Variants in IQUB observed in about 807,000 individuals in gnomAD.
The protein encoded by IQUB is IQ motif and ubiquitin domain containing.
In IQUB, 86 loss-of-function variants were observed where a neutral mutation model predicts 86.4. The ratio of observed to expected loss-of-function variants is 1.00; its 90% confidence interval spans 0.84 to 1.19. IQUB has a LOEUF of 1.19. Among genes scored for constraint, IQUB ranks in the 50% most tolerant of loss-of-function variants. The pLI, the probability that IQUB is intolerant of heterozygous loss-of-function variation, is 0.00. For synonymous variants in IQUB, 289 were observed against 304.5 expected (o/e 0.95, Z 0.53); for missense variants, 946 against 916.9 (o/e 1.03, Z -0.41).
intron 8 of IQUB, among the ~76,000 whole-genome samples, chr7:123,477,846 C>T (rs1411814419): frequency 6.6e-6 from 1 of 152,170 alleles, no homozygotes; most frequent in Non-Finnish European, 1.5e-5. Flanking sequence ...AAAAAATGCT[C>T]ATCATCACTG....
chr7:123,521,095 A>T (rs1239101757), intron 1 of IQUB, among the ~76,000 whole-genome samples: 3 of 152,102 alleles, frequency 2.0e-5, no homozygotes, highest in East Asian at 3.9e-4. Context: ...TTGTCCTGGA[A>T]ATTGGAGAGT....
intron 10 of IQUB, among the ~76,000 whole-genome samples, chr7:123,464,507 T>G (rs1158044549): frequency 6.6e-6 from 1 of 151,902 alleles, no homozygotes; most frequent in East Asian, 1.9e-4. Context: ...GGGTAAATAG[T>G]GAATAGCATT....
chr7:123,476,245 T>C (rs1794739257), intron 8 of IQUB, among the ~76,000 whole-genome samples: 1 of 152,166 alleles, frequency 6.6e-6, no homozygotes, highest in Non-Finnish European at 1.5e-5. Flanking sequence ...CATGAGAGCA[T>C]ATACTACAGG....
intron 12 of IQUB, among the ~76,000 whole-genome samples, chr7:123,453,552 TGAA>T (rs898584039): frequency 7.9e-5 from 12 of 151,720 alleles, no homozygotes; most frequent in Non-Finnish European, 1.5e-4. Context: ...GTACATGTAA[TGAA>T]GAAGATGAAC....
chr7:123,515,057 T>TA (rs1428651299), intron 1 of IQUB, among the ~76,000 whole-genome samples: 2 of 151,808 alleles, frequency 1.3e-5, no homozygotes, highest in Admixed American at 6.6e-5. Flanking sequence ...AGCTCAATTT[T>TA]AAAAAAAATC....
At chr7:123,505,127 C>T (rs7800221) in intron 3 of IQUB, among the ~76,000 whole-genome samples, 41,214 of 152,090 alleles carry the variant, frequency 0.27, 5,736 homozygotes, top group East Asian at 0.33. Flanking sequence ...CCATGTTTCA[C>T]GTACAGGCCA....
At chr7:123,505,128 G>C (rs768955337) in intron 3 of IQUB, among the ~76,000 whole-genome samples, 3 of 152,126 alleles carry the variant, frequency 2.0e-5, no homozygotes, top group Non-Finnish European at 4.4e-5. Flanking sequence ...CATGTTTCAC[G>C]TACAGGCCAC....
intron 7 of IQUB, 34 bp downstream of exon 7, chr7:123,496,662 A>G: frequency 7.7e-7 from 1 of 1,293,114 alleles, no homozygotes; most frequent in South Asian, 1.4e-5. Flanking sequence ...GAAGAATTTA[A>G]AAATATTTTT....
chr7:123,465,085 A>C (rs1410131569), intron 9 of IQUB, 76 bp from the exon 10 acceptor site: 3 of 905,716 alleles, frequency 3.3e-6, no homozygotes, highest in Non-Finnish European at 5.2e-6. Context: ...CACCAAAACA[A>C]ACCAAAATCT....
intron 7 of IQUB, among the ~76,000 whole-genome samples, chr7:123,480,594 C>A (rs1794963222): frequency 6.6e-6 from 1 of 152,070 alleles, no homozygotes; most frequent in Non-Finnish European, 1.5e-5. Context: ...CAAATCTCAT[C>A]TCAAACTGAA....
At chr7:123,493,640 A>G (rs1326847020) in intron 7 of IQUB, among the ~76,000 whole-genome samples, 1 of 151,848 alleles carries the variant, frequency 6.6e-6, no homozygotes. Context: ...CTAAAAAACC[A>G]TCTGGCAGGA....
intron 7 of IQUB, among the ~76,000 whole-genome samples, chr7:123,485,134 T>C (rs1183189344): frequency 1.3e-5 from 2 of 152,088 alleles, no homozygotes; most frequent in Non-Finnish European, 2.9e-5. Context: ...AAAGTACCAT[T>C]GGTTGGGTGG....
In IQUB at chr7:123,517,530, C is replaced by CAAA. The variant is rs374712007; in HGVS notation, c.-4-5189_-4-5187dup. Among the ~76,000 whole-genome samples, 69 of 22,426 alleles carry CAAA rather than the reference C, an allele frequency of 3.1e-3. 2 individuals carry two copies. The highest frequency in any genetic ancestry group is 5.6e-3 in the African/African-American group (28 of 5,006). 14.7% of individuals were successfully genotyped at this position (22,426 alleles called of 152,430 possible). On this transcript the variant is annotated intron_variant, in intron 1 of 12. Coordinates refer to ENST00000324698, the MANE Select transcript of IQUB (RefSeq NM_178827.5). ...TGGGTGACAGAGCGAGACTCCATCTCAAAAAAAAAAAAAAAAAAAAAAAAA... is the reference window on the plus strand; with the variant it reads ...TGGGTGACAGAGCGAGACTCCATCTCAAAAAAAAAAAAAAAAAAAAAAAAAAAA...
chr7:123,522,293 C>A (rs1162596597), intron 1 of IQUB, among the ~76,000 whole-genome samples: 2 of 152,202 alleles, frequency 1.3e-5, no homozygotes, highest in East Asian at 3.9e-4. Flanking sequence ...TTGGCACAAA[C>A]TTGAAGCACT....
Position 123,469,233 on chromosome 7 carries a change from G to A in IQUB, c.1562C>T (p.Thr521Ile). 1 of 1,595,628 alleles carries A rather than the reference G, an allele frequency of 6.3e-7. No homozygotes were observed. The highest frequency in any genetic ancestry group is 8.5e-7 in the Non-Finnish European group (1 of 1,172,116). ...SQDERLDVLLTLKHTVKEHEC... is the reference protein window; with the variant it reads ...SQDERLDVLLILKHTVKEHEC... ...ACATACCTTTACAGTGTGTTTAAGA[G>A]TTAACAGCACATCCAGCCTCTCATC... The change falls in exon 9 of 13, where the codon ACT (threonine) becomes ATT (isoleucine). Residue 521 changes from threonine (T) to isoleucine (I), a missense_variant. By Grantham distance (89) the Thr-to-Ile change is moderately conservative. Transcript: ENST00000324698.
chr7:123,528,650 T>G (rs375168909), intron 1 of IQUB, among the ~76,000 whole-genome samples: 198 of 152,190 alleles, frequency 1.3e-3, no homozygotes, highest in African/African-American at 4.7e-3. Context: ...GAAACTGATC[T>G]CCCTGCAGAT....
intron 3 of IQUB, 37 bp from the exon 4 acceptor site, chr7:123,503,400 C>A: frequency 1.8e-6 from 2 of 1,089,694 alleles, no homozygotes; most frequent in East Asian, 2.4e-5. Context: ...AGTTTTATGA[C>A]AAAGAAATGG....
At chr7:123,496,312 T>C (rs891023123) in intron 7 of IQUB, among the ~76,000 whole-genome samples, 1 of 152,028 alleles carries the variant, frequency 6.6e-6, no homozygotes, top group East Asian at 1.9e-4. Context: ...AAGAGCAAAA[T>C]CAGACAGGAT....
chr7:123,495,551 A>C (rs1795670482), intron 7 of IQUB, among the ~76,000 whole-genome samples: 1 of 152,092 alleles, frequency 6.6e-6, no homozygotes, highest in Admixed American at 6.6e-5. Flanking sequence ...AGAGGTCAAA[A>C]ATTTATTTCC....
Sources: allele counts gnomAD v4.1 joint callset (sites outside exome capture counted in the v4.1 genomes callset), GRCh38; gene constraint gnomAD v4.1.1; transcripts MANE v1.5; gene names NCBI Gene and HGNC (gene_info 2026-07-23, HGNC 2026-07-21).